Variants in DAG1 observed in about 807,000 individuals in gnomAD.
The protein encoded by DAG1 is dystroglycan 1 (dystrophin-associated glycoprotein 1).
A neutral mutation model predicts 46.1 loss-of-function variants in DAG1; 8 were observed. The ratio of observed to expected loss-of-function variants is 0.17; its 90% CI spans 0.10 to 0.31. The LOEUF is 0.31. Among genes scored for constraint, DAG1 ranks in the 10% least tolerant of loss-of-function variants. The pLI is 1.00. For missense variants in DAG1, 1,003 were observed against 1,189.9 expected (o/e 0.84, Z 2.31); for synonymous variants, 495 against 481.8 (o/e 1.03, Z -0.36).
At chr3:49,512,870 G>C (rs958187227) in intron 2 of DAG1, among the ~76,000 whole-genome samples, 3 of 151,890 alleles carry the variant, frequency 2.0e-5, no homozygotes, top group Non-Finnish European at 2.9e-5. Flanking sequence ...CTGCCAGGCT[G>C]GTCTCAAACT....
At chr3:49,524,675 C>G (rs2107810960) in intron 2 of DAG1, among the ~76,000 whole-genome samples, 1 of 150,922 alleles carries the variant, frequency 6.6e-6, no homozygotes, top group South Asian at 2.1e-4. Flanking sequence ...GAGTGAGACC[C>G]TGGCTCAAAA....
At chr3:49,497,724 T>C (rs2050352623) in intron 1 of DAG1, among the ~76,000 whole-genome samples, 1 of 152,230 alleles carries the variant, frequency 6.6e-6, no homozygotes, top group South Asian at 2.1e-4. Context: ...AAATAATGTT[T>C]AACGCAGTGT....
chr3:49,516,910 A>G (rs1559568432), intron 2 of DAG1, among the ~76,000 whole-genome samples: 2 of 151,830 alleles, frequency 1.3e-5, no homozygotes, highest in Admixed American at 6.6e-5. Flanking sequence ...TTAGATGACA[A>G]AGTGGTAGCT....
At position 49,532,382 on chromosome 3, in the gene DAG1, A is replaced by G; in HGVS notation, c.1871A>G (p.His624Arg). The G allele has an allele frequency of 6.2e-7, 1 of 1,614,158 alleles. No individual in the cohort carries two copies. The highest frequency in any genetic ancestry group is 2.2e-5 in the East Asian group (1 of 44,888). Reference protein sequence around the residue: ...GDPALVLNDIHKKIALVKKLA... With the variant: ...GDPALVLNDIRKKIALVKKLA... ...CCGGCACTGGTGTTGAATGACATCC[A>G]CAAGAAGATTGCCTTGGTAAAGAAA... is the stretch of plus-strand genomic sequence containing the variant. The change falls in exon 3 of 3, where the codon CAC becomes CGC. Residue 624 changes from histidine (H) to arginine (R), a missense_variant. Around this residue, in one of 3 missense-constraint regions of DAG1, gnomAD observed 755 missense variants for 854.1 expected, o/e 0.88. Coordinates refer to ENST00000308775, the MANE Select transcript of DAG1 (RefSeq NM_004393.6). The surrounding 1 kb of genome is among the most constrained non-coding windows in gnomAD (Gnocchi z 5.4).
chr3:49,487,692 C>CTTTTTTTTTT (rs10686005), intron 1 of DAG1, among the ~76,000 whole-genome samples: 10 of 105,706 alleles, frequency 9.5e-5, no homozygotes, highest in Non-Finnish European at 1.3e-4. Context: ...CCCATACATT[C>CTTTTTTTTTT]TTTTTTTTTT....
chr3:49,472,155 T>G (rs887066590), intron 1 of DAG1, among the ~76,000 whole-genome samples: 1 of 151,946 alleles, frequency 6.6e-6, no homozygotes, highest in African/African-American at 2.4e-5. Context: ...AGACCTGTGT[T>G]TAGAAAGATA....
chr3:49,488,853 G>T (rs986001861), intron 1 of DAG1: 1 of 152,026 alleles, frequency 6.6e-6, no homozygotes, highest in African/African-American at 2.4e-5. Flanking sequence ...CTGCTTGCCA[G>T]GTGTGAGCCA....
At chr3:49,503,328 A>G (rs535123819) in intron 1 of DAG1, among the ~76,000 whole-genome samples, 2 of 152,214 alleles carry the variant, frequency 1.3e-5, no homozygotes, top group South Asian at 4.2e-4. Context: ...GGTAAGGTTG[A>G]GCATCCTTTT....
At chr3:49,476,859 C>T (rs2049695721) in intron 1 of DAG1, 1 of 152,092 alleles carries the variant, frequency 6.6e-6, no homozygotes, top group East Asian at 1.9e-4. Flanking sequence ...GGCCACTGCT[C>T]TCCAGGAAGA....
In DAG1 at chr3:49,532,577, G is replaced by A. The variant is rs760082311; in HGVS notation, c.2066G>A (p.Arg689Gln). The A allele has an allele frequency of 3.9e-5, 63 of 1,612,178 alleles. No individual in the cohort carries two copies. Among genetic ancestry groups the A allele is most frequent in the East Asian group, 6.7e-5 (3 of 44,856 alleles). The change falls in exon 3 of 3, where the codon CGG becomes CAG. Residue 689 changes from arginine (R) to glutamine (Q), a missense_variant. Physicochemically the swap from Arg to Gln is conservative, Grantham distance 43. This residue lies in a region of DAG1 where 755 missense variants were observed against 854.1 expected (regional missense o/e 0.88). Coordinates refer to ENST00000308775, the MANE Select transcript of DAG1 (RefSeq NM_004393.6). This position sits in a 1 kb window ranked among gnomAD's most constrained non-coding sequence, Gnocchi z 5.4. ...ATCGCTGAGGATGATGGAAAACCTC[G>A]GCCTGCCTTCTCCAACGCCCTAGAG... The part of the protein sequence containing the change: ...RRIAEDDGKP[R>Q]PAFSNALEPD...
At position 49,531,817 on chromosome 3, in the gene DAG1, A is replaced by G. The variant is rs149838438; in HGVS notation, c.1306A>G (p.Thr436Ala). The change falls in exon 3 of 3, where the codon ACG (threonine) becomes GCG (alanine). Residue 436 changes from threonine to alanine, a missense_variant. Transcript: ENST00000308775. The surrounding 1 kb of genome is among the most constrained non-coding windows in gnomAD (Gnocchi z 7.0). ...KPRVSTPKPA[T>A]PSTDSTTTTT... Reference sequence around the variant, plus strand: ...ACGAGTATCCACACCAAAACCAGCAACGCCTTCAACTGACTCCACCACCAC... The same window carrying G: ...ACGAGTATCCACACCAAAACCAGCAGCGCCTTCAACTGACTCCACCACCAC... 213 of 1,613,522 alleles carry G rather than the reference A, an allele frequency of 1.3e-4. No individual in the cohort carries two copies. The highest frequency in any genetic ancestry group is 1.6e-4 in the Non-Finnish European group (187 of 1,179,880).
At chr3:49,528,827 G>A (rs2051262386) in intron 2 of DAG1, among the ~76,000 whole-genome samples, 1 of 150,088 alleles carries the variant, frequency 6.7e-6, no homozygotes, top group East Asian at 2.0e-4. Context: ...ATTAGGAAAT[G>A]ATAACCCTGA....
intron 1 of DAG1, among the ~76,000 whole-genome samples, chr3:49,489,637 A>G (rs973518989): frequency 6.6e-6 from 1 of 152,160 alleles, no homozygotes; most frequent in Admixed American, 6.6e-5. Flanking sequence ...TCTTAAGAAA[A>G]CATAGCTCAA....
At chr3:49,479,448 G>A (rs367764265) in intron 1 of DAG1, among the ~76,000 whole-genome samples, 1 of 143,030 alleles carries the variant, frequency 7.0e-6, no homozygotes, top group Admixed American at 7.2e-5. Context: ...TAGCTGAGAC[G>A]ACAAGTGCGT....
chr3:49,521,542 C>T (rs1250793643), intron 2 of DAG1, among the ~76,000 whole-genome samples: 1 of 152,120 alleles, frequency 6.6e-6, no homozygotes, highest in Admixed American at 6.5e-5. Flanking sequence ...TCACTGCAGC[C>T]TTGACTTCCC....
chr3:49,486,357 T>TC (rs1021669229), intron 1 of DAG1, among the ~76,000 whole-genome samples: 1 of 151,950 alleles, frequency 6.6e-6, no homozygotes, highest in African/African-American at 2.4e-5. Flanking sequence ...TAGCTGGGAC[T>TC]ATAGGCGCAT....
chr3:49,504,012 T>C (rs1261770390), intron 1 of DAG1, among the ~76,000 whole-genome samples: 2 of 152,128 alleles, frequency 1.3e-5, no homozygotes, highest in Non-Finnish European at 2.9e-5. Flanking sequence ...CATGGTAACA[T>C]CTTGCAAAAC....
chr3:49,494,410 C>G (rs1182122597), intron 1 of DAG1, among the ~76,000 whole-genome samples: 1 of 152,150 alleles, frequency 6.6e-6, no homozygotes, highest in South Asian at 2.1e-4. Flanking sequence ...TCGCCTCACT[C>G]CTCTGTTTTG....
intron 2 of DAG1, among the ~76,000 whole-genome samples, chr3:49,521,084 TG>T (rs1428548438): frequency 6.6e-6 from 1 of 152,184 alleles, no homozygotes; most frequent in Non-Finnish European, 1.5e-5. Context: ...TTTCTTCAGG[TG>T]TGGAATGGTA....
Sources: gnomAD v4.1 joint callset for allele counts (sites outside exome capture counted in the v4.1 genomes callset) on GRCh38, gnomAD v4.1.1 for gene constraint, gnomAD v4.1.1 regional missense constraint, Gnocchi (gnomAD v3.1) non-coding constraint, MANE v1.5 for transcripts, NCBI Gene and HGNC (gene_info 2026-07-23, HGNC 2026-07-21) for gene names.